NXPH1: variants seen among roughly 807,000 people sequenced by gnomAD.
The protein encoded by NXPH1 is neurexophilin 1, also known as neurexophilin-1.
A neutral mutation model predicts 23.7 loss-of-function variants in NXPH1; 5 were observed. The observed-to-expected ratio is 0.21, with a 90% CI of 0.11 to 0.44. NXPH1 has a LOEUF of 0.44. Among genes scored for constraint, NXPH1 ranks in the 20% least tolerant of loss-of-function variants. NXPH1 has a pLI of 0.99. For missense variants in NXPH1, 324 were observed against 321.6 expected, an observed-to-expected ratio of 1.01 and a Z score of -0.06; for synonymous variants, 144 against 122.2, an observed-to-expected ratio of 1.18 and a Z score of -1.18.
chr7:8,441,881 C>A (rs1237079219), intron 2 of NXPH1, among the ~76,000 whole-genome samples: 1 of 123,610 alleles, frequency 8.1e-6, no homozygotes, highest in East Asian at 2.5e-4. Context: ...CTGCAAAGAG[C>A]TTTCCCTAGT....
intron 2 of NXPH1, among the ~76,000 whole-genome samples, chr7:8,524,876 T>G (rs192363328): frequency 1.3e-5 from 2 of 152,190 alleles, no homozygotes; most frequent in Non-Finnish European, 2.9e-5. Flanking sequence ...AAACTTCTCT[T>G]TTTCTTCCCA....
At chr7:8,436,239 G>T (rs1816190917) in intron 2 of NXPH1, among the ~76,000 whole-genome samples, 1 of 152,192 alleles carries the variant, frequency 6.6e-6, no homozygotes, top group African/African-American at 2.4e-5. Flanking sequence ...ACATAAAGAA[G>T]CGCAGTTAAC....
chr7:8,443,516 G>C (rs1324631759), intron 2 of NXPH1, among the ~76,000 whole-genome samples: 1 of 152,384 alleles, frequency 6.6e-6, no homozygotes, highest in Non-Finnish European at 1.5e-5. Context: ...CGAGGAACAC[G>C]GCTGGAGCCA....
chr7:8,672,844 T>G lies in NXPH1; in HGVS notation c.55-78164T>G, dbSNP rs185945838. Among the ~76,000 whole-genome samples the G allele has an allele frequency of 1.6e-4, 25 of 152,308 alleles. No individual in the cohort carries two copies. In the East Asian group the frequency reaches 4.8e-3, roughly 29 times the overall value. On this transcript the variant is annotated intron_variant, in intron 2 of 2. Transcript: ENST00000405863. Reference sequence around the variant, plus strand: ...GTCTGCTCTGCCATCTCTTTCCTCATTACTTTTCTTGGCCTGAGCATCTGT... The same window carrying G: ...GTCTGCTCTGCCATCTCTTTCCTCAGTACTTTTCTTGGCCTGAGCATCTGT...
chr7:8,586,899 C>G (rs182535086), intron 2 of NXPH1, among the ~76,000 whole-genome samples: 1 of 152,012 alleles, frequency 6.6e-6, no homozygotes, highest in Non-Finnish European at 1.5e-5. Flanking sequence ...ATGCAATACT[C>G]TATCCCTTAG....
intron 2 of NXPH1, among the ~76,000 whole-genome samples, chr7:8,455,695 G>T (rs1006597780): frequency 1.3e-5 from 2 of 152,176 alleles, no homozygotes; most frequent in Non-Finnish European, 2.9e-5. Flanking sequence ...AAGACAAGTT[G>T]GGAGGAAATT....
At chr7:8,504,526 C>G (rs1239141223) in intron 2 of NXPH1, among the ~76,000 whole-genome samples, 2 of 151,982 alleles carry the variant, frequency 1.3e-5, no homozygotes, top group East Asian at 3.9e-4. Flanking sequence ...TGCAGCCACT[C>G]AGGAGCAGTT....
At chr7:8,487,620 G>A (rs539428965) in intron 2 of NXPH1, among the ~76,000 whole-genome samples, 1 of 152,198 alleles carries the variant, frequency 6.6e-6, no homozygotes, top group South Asian at 2.1e-4. Flanking sequence ...CATTGGTACT[G>A]TATCTCTCTA....
chr7:8,663,056 T>C (rs1442122001), intron 2 of NXPH1, among the ~76,000 whole-genome samples: 2 of 152,074 alleles, frequency 1.3e-5, no homozygotes, highest in Non-Finnish European at 2.9e-5. Context: ...TGTTGGGAGA[T>C]GAATGCTTGC....
At chr7:8,688,384 G>T (rs1821178818) in intron 2 of NXPH1, among the ~76,000 whole-genome samples, 1 of 152,086 alleles carries the variant, frequency 6.6e-6, no homozygotes, top group South Asian at 2.1e-4. Context: ...TTAATGTCCT[G>T]TAGTATATAT....
rs139531447 is a variant in NXPH1, at chr7:8,535,240, T to C, written c.54+99473T>C. Among the ~76,000 whole-genome samples the C allele has an allele frequency of 4.9e-3, 741 of 152,184 alleles. 22 individuals carry two copies. Among genetic ancestry groups the C allele is most frequent in the Admixed American group, 0.039 (597 of 15,260 alleles). ...TCAGGTTTGAATATAGCTAGATGCC[T>C]GTCACGTTTAGGTTTGTACCAACAA... On this transcript the variant is annotated intron_variant, in intron 2 of 2. Coordinates refer to ENST00000405863, the MANE Select transcript of NXPH1 (RefSeq NM_152745.3).
At chr7:8,602,494 C>T (rs185854023) in intron 2 of NXPH1, among the ~76,000 whole-genome samples, 12 of 152,224 alleles carry the variant, frequency 7.9e-5, no homozygotes, top group African/African-American at 2.9e-4. Flanking sequence ...ATGCCCTTTC[C>T]CCTTCATTAT....
chr7:8,732,089 G>A (rs919761961), intron 2 of NXPH1, among the ~76,000 whole-genome samples: 10 of 152,248 alleles, frequency 6.6e-5, no homozygotes, highest in African/African-American at 2.2e-4. Flanking sequence ...ATTCGGGTGG[G>A]AGTGACCCAA....
Position 8,627,730 on chromosome 7 carries a change from A to G in NXPH1, c.55-123278A>G, listed in dbSNP as rs977168079. ...AAAATGATAGTCAAATTGCACTTCA[A>G]TGGATTAAAAAAAATAACCATTTTA... On this transcript the variant is annotated intron_variant, in intron 2 of 2. Coordinates refer to ENST00000405863, the MANE Select transcript of NXPH1 (RefSeq NM_152745.3). 2.0e-5 allele frequency among the ~76,000 whole-genome samples: 3 copies of G among 152,276 alleles called. No homozygotes were observed. The East Asian group carries it at 5.8e-4, about 29-fold the overall frequency.
intron 2 of NXPH1, among the ~76,000 whole-genome samples, chr7:8,695,507 C>A (rs1821294215): frequency 6.6e-6 from 1 of 152,164 alleles, no homozygotes; most frequent in South Asian, 2.1e-4. Context: ...ACCTCTTTAT[C>A]CCTTACTTAT....
chr7:8,598,713 T>A (rs761975157), intron 2 of NXPH1, among the ~76,000 whole-genome samples: 136 of 152,194 alleles, frequency 8.9e-4, no homozygotes, highest in Non-Finnish European at 1.6e-3. Context: ...TCTCTGTTAT[T>A]ATTGTCATGA....
At chr7:8,480,842 T>C (rs1408672184) in intron 2 of NXPH1, among the ~76,000 whole-genome samples, 27 of 152,190 alleles carry the variant, frequency 1.8e-4, no homozygotes, top group Admixed American at 1.8e-3. Context: ...TTTTATTCCT[T>C]AGTGATTCAC....
At chr7:8,473,862 G>A (rs944149255) in intron 2 of NXPH1, among the ~76,000 whole-genome samples, 2 of 151,840 alleles carry the variant, frequency 1.3e-5, no homozygotes, top group Non-Finnish European at 1.5e-5. Flanking sequence ...AAGAACCGAC[G>A]GTTTCAGCTT....
intron 2 of NXPH1, among the ~76,000 whole-genome samples, chr7:8,486,007 T>C (rs1329126705): frequency 6.6e-6 from 1 of 152,196 alleles, no homozygotes; most frequent in East Asian, 1.9e-4. Flanking sequence ...GCCTGACTTA[T>C]GAAGATAAAA....
Sources: allele counts gnomAD v4.1 joint callset (sites outside exome capture counted in the v4.1 genomes callset), GRCh38; gene constraint gnomAD v4.1.1; transcripts MANE v1.5; gene names NCBI Gene and HGNC (gene_info 2026-07-23, HGNC 2026-07-21).